PLEKHA2: variants seen among roughly 807,000 people sequenced by gnomAD.
The protein encoded by PLEKHA2 is pleckstrin homology domain-containing family A member 2.
Under a neutral mutation model 53.2 loss-of-function variants are expected in PLEKHA2, and 28 were observed. The observed-to-expected ratio is 0.53, with a 90% CI of 0.39 to 0.72. The LOEUF is 0.72. Ranked by LOEUF, PLEKHA2 falls within the 30% of genes least tolerant of loss-of-function variation. The pLI is 0.00. For missense variants in PLEKHA2, 426 were observed against 537.9 expected (o/e 0.79, Z 2.06); for synonymous variants, 193 against 196.4 (o/e 0.98, Z 0.14).
In PLEKHA2 at chr8:38,920,361, A is replaced by T. The variant is rs192169856; in HGVS notation, c.141+2291A>T. On this transcript the variant is annotated intron_variant, in intron 2 of 11. Coordinates refer to ENST00000617275, the MANE Select transcript of PLEKHA2 (RefSeq NM_021623.2). ...AGTAGAGACGGGGTTTCACTGTGTT[A>T]GCCAGGATGGTCTCAAGCTCCTGAC... Among the ~76,000 whole-genome samples, 171 of 151,912 alleles carry T rather than the reference A, an allele frequency of 1.1e-3. 3 individuals are homozygous for T. In the East Asian group the frequency reaches 0.03, roughly 27 times the overall value.
intron 2 of PLEKHA2, among the ~76,000 whole-genome samples, chr8:38,919,417 G>C (rs1834138919): frequency 6.6e-6 from 1 of 152,144 alleles, no homozygotes; most frequent in Non-Finnish European, 1.5e-5. Flanking sequence ...CTACCCTTGA[G>C]TGATTTGGTG....
intron 3 of PLEKHA2, among the ~76,000 whole-genome samples, chr8:38,940,078 T>G (rs1588257405): frequency 3.7e-5 from 4 of 109,536 alleles, no homozygotes; most frequent in Non-Finnish European, 5.3e-5. Context: ...TGAGACAGAG[T>G]GAGACCCTAT....
chr8:38,926,942 A>C (rs979309015), intron 2 of PLEKHA2, among the ~76,000 whole-genome samples: 13 of 152,318 alleles, frequency 8.5e-5, no homozygotes, highest in African/African-American at 2.9e-4. Context: ...CCAAACAAAC[A>C]AACAAAAAAC....
chr8:38,920,687 T>A (rs1371629045), intron 2 of PLEKHA2, among the ~76,000 whole-genome samples: 2 of 150,022 alleles, frequency 1.3e-5, no homozygotes, highest in African/African-American at 4.9e-5. Flanking sequence ...CAGCCTCCCA[T>A]GTAGCTGGGA....
chr8:38,916,343 A>G (rs1270846225), intron 1 of PLEKHA2, among the ~76,000 whole-genome samples: 1 of 152,154 alleles, frequency 6.6e-6, no homozygotes, highest in Non-Finnish European at 1.5e-5. Flanking sequence ...TGTACTATCA[A>G]ATAGTAGGTC....
rs535297315 is a variant in PLEKHA2 at position 38,945,802 on chromosome 8, C to T, written c.248-322C>T. On this transcript the variant is annotated intron_variant, in intron 4 of 11. Coordinates refer to ENST00000617275, the MANE Select transcript of PLEKHA2 (RefSeq NM_021623.2). ...TAAATGTATTAGCACCGCCAGAATG[C>T]GGTTCACAGTTGTGTCTTGTTGACG... 6.2e-4 allele frequency among the ~76,000 whole-genome samples: 95 copies of T among 152,320 alleles called. 1 individual carries two copies. The highest frequency in any genetic ancestry group is 1.2e-3 in the South Asian group (6 of 4,832).
chr8:38,948,492 G>A (rs920383934), intron 5 of PLEKHA2, among the ~76,000 whole-genome samples: 28 of 152,204 alleles, frequency 1.8e-4, no homozygotes, highest in Non-Finnish European at 2.9e-5. Flanking sequence ...CAGCCAGAAA[G>A]AAAATAGAAG....
rs563929790 is a variant in PLEKHA2 at position 38,948,901 on chromosome 8, C to T, written c.346-1949C>T. Among the ~76,000 whole-genome samples, 223 of 152,200 alleles carry T rather than the reference C, an allele frequency of 1.5e-3. 10 individuals are homozygous for T. In the South Asian group the frequency reaches 0.042, roughly 29 times the overall value. On this transcript the variant is annotated intron_variant, in intron 5 of 11. Transcript: ENST00000617275. ...TTGTTTTTGTTTTGAAACGGAGTCT[C>T]GCTCTATAGCCCAGGCTGGAGTGCA...
At chr8:38,952,830 C>A in intron 8 of PLEKHA2, 126 bp downstream of exon 8, 2 of 915,352 alleles carry the variant, frequency 2.2e-6, no homozygotes, top group Non-Finnish European at 3.4e-6. Flanking sequence ...GCGCCTCTGT[C>A]TTATCTCCAT....
intron 2 of PLEKHA2, among the ~76,000 whole-genome samples, chr8:38,925,737 A>G (rs1271491143): frequency 6.6e-6 from 1 of 152,256 alleles, no homozygotes; most frequent in East Asian, 1.9e-4. Flanking sequence ...ATTTTAGTAG[A>G]AAGCATACAA....
chr8:38,941,504 A>G (rs1299565867), intron 3 of PLEKHA2, among the ~76,000 whole-genome samples: 2 of 152,238 alleles, frequency 1.3e-5, no homozygotes, highest in African/African-American at 4.8e-5. Context: ...ATGTTTATTA[A>G]CACCAGATAC....
chr8:38,935,962 C>G (rs1189051538), intron 2 of PLEKHA2, 32 bp from the exon 3 acceptor site: 4 of 1,607,554 alleles, frequency 2.5e-6, no homozygotes, highest in South Asian at 2.2e-5. Context: ...GTTTCCACAG[C>G]CTTCTTAAAA....
intron 10 of PLEKHA2, among the ~76,000 whole-genome samples, chr8:38,959,852 C>G (rs1835010413): frequency 6.6e-6 from 1 of 152,122 alleles, no homozygotes; most frequent in Admixed American, 6.5e-5. Context: ...GTAACAGGAG[C>G]ATGGGAGGAG....
At chr8:38,914,869 G>T (rs1211829644) in intron 1 of PLEKHA2, among the ~76,000 whole-genome samples, 1 of 152,224 alleles carries the variant, frequency 6.6e-6, no homozygotes, top group African/African-American at 2.4e-5. Context: ...TTACCAGAGA[G>T]ACAGTTCCGG....
chr8:38,958,619 C>T (rs562199854), intron 10 of PLEKHA2, among the ~76,000 whole-genome samples: 21 of 152,274 alleles, frequency 1.4e-4, no homozygotes, highest in African/African-American at 4.3e-4. Context: ...GAAGAGACAG[C>T]GGAGTGGGGG....
chr8:38,956,757 A>C (rs1272629583), intron 9 of PLEKHA2, among the ~76,000 whole-genome samples: 1 of 152,126 alleles, frequency 6.6e-6, no homozygotes, highest in Non-Finnish European at 1.5e-5. Context: ...AAAATAAATA[A>C]ATAAAGCAGA....
At chr8:38,944,974 T>C (rs1217790567) in intron 4 of PLEKHA2, among the ~76,000 whole-genome samples, 2 of 152,172 alleles carry the variant, frequency 1.3e-5, no homozygotes, top group Non-Finnish European at 2.9e-5. Flanking sequence ...GAGACGCAGA[T>C]GGCAGTGCCA....
chr8:38,955,367 T>A (rs892381935), intron 9 of PLEKHA2, among the ~76,000 whole-genome samples: 1 of 152,246 alleles, frequency 6.6e-6, no homozygotes, highest in African/African-American at 2.4e-5. Context: ...AGGCATTTTT[T>A]ATTCAGAAAC....
At chr8:38,946,301 A>G in intron 5 of PLEKHA2, 80 bp downstream of exon 5, 1 of 1,255,662 alleles carries the variant, frequency 8.0e-7, no homozygotes, top group Non-Finnish European at 1.1e-6. Flanking sequence ...GTTGGGGAAA[A>G]CTGAGATGGC....
Sources: allele counts gnomAD v4.1 joint callset (sites outside exome capture counted in the v4.1 genomes callset), GRCh38; gene constraint gnomAD v4.1.1; transcripts MANE v1.5; gene names NCBI Gene and HGNC (gene_info 2026-07-23, HGNC 2026-07-21).